TMPRSS13: variants seen among roughly 807,000 people sequenced by gnomAD.
TMPRSS13 encodes the protein transmembrane protease serine 13.
TMPRSS13 carries 50 observed loss-of-function variants against 68.4 expected under a neutral mutation model. The ratio of observed to expected loss-of-function variants is 0.73; its 90% CI spans 0.58 to 0.93. The LOEUF (loss-of-function observed/expected upper bound fraction) is 0.93, where lower values mean the gene tolerates loss of function less well. TMPRSS13 is among the 40% of genes least tolerant of loss of function. The pLI, the probability that TMPRSS13 is intolerant of heterozygous loss-of-function variation, is 0.00. For missense variants in TMPRSS13, 615 were observed against 729.2 expected (o/e 0.84, Z 1.80); for synonymous variants, 267 against 285.8 (o/e 0.93, Z 0.66).
chr11:117,909,559 C>T (rs924122883), intron 8 of TMPRSS13, among the ~76,000 whole-genome samples: 8 of 152,368 alleles, frequency 5.3e-5, no homozygotes, highest in African/African-American at 1.9e-4. Flanking sequence ...CCTCTTCCTG[C>T]CTGCCTCTCT....
rs1210242670 is a variant in TMPRSS13, at chr11:117,909,950, A to T, written c.965T>A (p.Met322Lys). 1.9e-6 allele frequency: 3 copies of T among 1,614,062 alleles called. No individual in the cohort carries two copies. The highest frequency in any genetic ancestry group is 3.3e-5 in the Admixed American group (2 of 60,010). The change falls in exon 8 of 13, where the codon ATG (methionine) becomes AAG (lysine). Residue 322 changes from methionine (M) to lysine (K), a missense_variant. Coordinates refer to ENST00000524993, the MANE Select transcript of TMPRSS13 (RefSeq NM_001077263.3). ...LQCSHCGLRA[M>K]TGRIVGGALA... Reference sequence around the variant, plus strand: ...CGCCCCTCCCACGATCCGCCCGGTCATGGCCCTCAGTCCGCAGTCTGGAGG... The same window carrying T: ...CGCCCCTCCCACGATCCGCCCGGTCTTGGCCCTCAGTCCGCAGTCTGGAGG...
rs2057737288 is a variant in TMPRSS13 at position 117,929,320 on chromosome 11, G to T, written c.-13C>A. 2 of 1,604,462 alleles carry T rather than the reference G, an allele frequency of 1.2e-6. No individual in the cohort carries two copies. Among genetic ancestry groups the T allele is most frequent in the East Asian group, 2.3e-5 (1 of 43,948 alleles). On this transcript the variant is annotated 5_prime_UTR_variant, in exon 1 of 13. Coordinates refer to ENST00000524993, the MANE Select transcript of TMPRSS13 (RefSeq NM_001077263.3). ...TGTCCCTCTCCATGGTCTCTGAGGG[G>T]AAGAGTCCTCCAGGCTTAGCTGATG...
Position 117,914,806 on chromosome 11 carries a change from G to A in TMPRSS13, c.557-292C>T, listed in dbSNP as rs2057559560. 1.3e-5 allele frequency among the ~76,000 whole-genome samples: 2 copies of A among 152,018 alleles called. No individual in the cohort carries two copies. The highest frequency in any genetic ancestry group is 4.2e-4 in the South Asian group (2 of 4,812). On this transcript the variant is annotated intron_variant, in intron 3 of 12. Transcript: ENST00000524993. This position sits in a 1 kb window ranked among gnomAD's most constrained non-coding sequence, Gnocchi z 4.2. ...GCTGTGGAGATGGGGACCACCTTGG[G>A]AACTCCCCTCCCTACATGCTGGCCA...
chr11:117,903,872 G>A, intron 11 of TMPRSS13, 65 bp from the exon 12 acceptor site: 1 of 1,596,270 alleles, frequency 6.3e-7, no homozygotes, highest in South Asian at 1.1e-5. Context: ...AAAGGGTGGG[G>A]TCCCAATTCC....
At chr11:117,918,156 G>C (rs1158775730) in intron 2 of TMPRSS13, among the ~76,000 whole-genome samples, 1 of 152,112 alleles carries the variant, frequency 6.6e-6, no homozygotes, top group Admixed American at 6.5e-5. Flanking sequence ...GCAGACTCCA[G>C]GGTGACAAGC....
chr11:117,919,267 C>T (rs967749594), intron 1 of TMPRSS13, among the ~76,000 whole-genome samples: 3 of 152,228 alleles, frequency 2.0e-5, no homozygotes, highest in Admixed American at 1.3e-4. Flanking sequence ...CTCCTACATC[C>T]GCATCCTTTT....
intron 1 of TMPRSS13, among the ~76,000 whole-genome samples, chr11:117,924,780 G>A (rs905210457): frequency 5.9e-5 from 9 of 151,750 alleles, no homozygotes; most frequent in African/African-American, 1.5e-4. Flanking sequence ...CCCCCTCCCC[G>A]AACCCAGAGA....
chr11:117,924,951 G>A (rs1414068553), intron 1 of TMPRSS13, among the ~76,000 whole-genome samples: 1 of 152,148 alleles, frequency 6.6e-6, no homozygotes. Context: ...TGCAGGGTCT[G>A]CCTCGCCCTG....
rs1001860666 is a variant in TMPRSS13, at chr11:117,922,637, G to A, written c.22-3799C>T. 3.9e-5 allele frequency among the ~76,000 whole-genome samples: 6 copies of A among 152,222 alleles called. No homozygotes were observed. Among genetic ancestry groups the A allele is most frequent in the Admixed American group, 2.6e-4 (4 of 15,282 alleles). Reference sequence around the variant, plus strand: ...GAGCCGAAGACTCAGAAGTGGAAGTGAAATGACCAACTCCTTGATGTGTCC... The same window carrying A: ...GAGCCGAAGACTCAGAAGTGGAAGTAAAATGACCAACTCCTTGATGTGTCC... On this transcript the variant is annotated intron_variant, in intron 1 of 12. Coordinates refer to ENST00000524993, the MANE Select transcript of TMPRSS13 (RefSeq NM_001077263.3). This position sits in a 1 kb window ranked among gnomAD's most constrained non-coding sequence, Gnocchi z 4.2.
At chr11:117,925,612 C>T (rs973180294) in intron 1 of TMPRSS13, among the ~76,000 whole-genome samples, 6 of 152,006 alleles carry the variant, frequency 3.9e-5, no homozygotes, top group African/African-American at 1.2e-4. Flanking sequence ...TTGCTTCCCT[C>T]CTAGGGAAAC....
At position 117,924,382 on chromosome 11, in the gene TMPRSS13, G is replaced by C. The variant is rs146698693; in HGVS notation, c.21+4905C>G. The stretch of plus-strand genomic sequence containing the variant: ...CTCTTCCCCTCTCTGTCCCTTACCA[G>C]CCTCCATGAGAAAGGACCCTTCCCA... On this transcript the variant is annotated intron_variant, in intron 1 of 12. Transcript: ENST00000524993. Among the ~76,000 whole-genome samples, 248 of 152,118 alleles carry C rather than the reference G, an allele frequency of 1.6e-3. 1 individual carries two copies. The highest frequency in any genetic ancestry group is 0.014 in the Middle Eastern group (4 of 294).
At chr11:117,908,843 C>A (rs1210395863) in intron 8 of TMPRSS13, 59 bp from the exon 9 acceptor site, 21 of 1,490,488 alleles carry the variant, frequency 1.4e-5, no homozygotes, top group Non-Finnish European at 1.8e-5. Context: ...CACTGGCAGC[C>A]CCTGCTACCT....
intron 1 of TMPRSS13, among the ~76,000 whole-genome samples, chr11:117,919,103 C>T (rs930370221): frequency 6.6e-6 from 1 of 152,128 alleles, no homozygotes; most frequent in African/African-American, 2.4e-5. Context: ...GCCAAGTGCC[C>T]GGGGGTTGGG....
rs1390234742 is a variant in TMPRSS13 at position 117,909,664 on chromosome 11, A to C, written c.1109+142T>G. The C allele has an allele frequency of 3.0e-6, 3 of 1,000,404 alleles. No individual in the cohort carries two copies. The African/African-American group carries it at 4.8e-5, about 16-fold the overall frequency. 62.0% of individuals were successfully genotyped at this position (1,000,404 alleles called of 1,614,324 possible). A position where few individuals can be genotyped will look rare whatever the true frequency, so the allele number is the denominator to read the frequency against. On this transcript the variant is annotated intron_variant, in intron 8 of 12. Coordinates refer to ENST00000524993, the MANE Select transcript of TMPRSS13 (RefSeq NM_001077263.3). ...ACTCTCAGGACCAGGTGAACACCCA[A>C]GCTACACCAGTGCCAACTGGCCCAT...
In TMPRSS13 at chr11:117,929,338, AG is replaced by A. The variant is rs1219289904; in HGVS notation, c.-32del. ...CTGAGGGGAAGAGTCCTCCAGGCTT[AG>A]CTGATGTCGAGGAGAAGATCCATCT... is the stretch of plus-strand genomic sequence containing the variant. On this transcript the variant is annotated 5_prime_UTR_variant, in exon 1 of 13. The change abolishes the stop of an existing upstream ORF in the 5' untranslated region. Coordinates refer to ENST00000524993, the MANE Select transcript of TMPRSS13 (RefSeq NM_001077263.3). 1 of 1,601,972 alleles carries A rather than the reference AG, an allele frequency of 6.2e-7. No individual in the cohort carries two copies. Among genetic ancestry groups the A allele is most frequent in the East Asian group, 2.3e-5 (1 of 43,872 alleles).
At position 117,918,592 on chromosome 11, in the gene TMPRSS13, A is replaced by C. The variant is rs758637926; in HGVS notation, c.268T>G (p.Ser90Ala). ...SPAQASPARA[S>A]PALASLSRSS... ...CTGGAAAGTGATGCCAGAGCCGGAG[A>C]TGCCCGGGCTGGAGATGCCTGGGCT... is the stretch of plus-strand genomic sequence containing the variant. The change falls in exon 2 of 13, where the codon TCT becomes GCT. Residue 90 changes from serine to alanine, a missense_variant. By Grantham distance (99) the Ser-to-Ala change is moderately conservative (BLOSUM62 1). Coordinates refer to ENST00000524993, the MANE Select transcript of TMPRSS13 (RefSeq NM_001077263.3). 30 of 1,612,422 alleles carry C rather than the reference A, an allele frequency of 1.9e-5. No homozygotes were observed. The highest frequency in any genetic ancestry group is 1.7e-5 in the Admixed American group (1 of 59,898).
At chr11:117,916,106 C>T (rs946054987) in intron 3 of TMPRSS13, among the ~76,000 whole-genome samples, 34 of 152,326 alleles carry the variant, frequency 2.2e-4, no homozygotes, top group African/African-American at 7.7e-4. Context: ...CGTTTCCACA[C>T]GCTGGTCCAC....
intron 1 of TMPRSS13, among the ~76,000 whole-genome samples, chr11:117,927,030 C>G (rs2057714018): frequency 6.6e-6 from 1 of 152,230 alleles, no homozygotes; most frequent in Non-Finnish European, 1.5e-5. Context: ...AAAGGTTTCT[C>G]TGTACATAAT....
rs1490911332 is a variant in TMPRSS13, at chr11:117,918,429, C to G, written c.431G>C (p.Arg144Thr). ...CTTACCTGGGCTCTCCCTGGTGGCC[C>G]TGGTTGCTGGTGCTGACCTGGCAGG... ...SSPARSAPAT[R>T]ATRESPGTSL... Residue 144 changes from arginine to threonine, a missense_variant, in exon 2 of 13, where the codon AGG (arginine) becomes ACG (threonine). Transcript: ENST00000524993. 1 of 1,613,632 alleles carries G rather than the reference C, an allele frequency of 6.2e-7. No individual in the cohort carries two copies. The highest frequency in any genetic ancestry group is 8.5e-7 in the Non-Finnish European group (1 of 1,179,538).
Sources: gnomAD v4.1 joint callset for allele counts (sites outside exome capture counted in the v4.1 genomes callset) on GRCh38, gnomAD v4.1.1 for gene constraint, Gnocchi (gnomAD v3.1) non-coding constraint, MANE v1.5 for transcripts, NCBI Gene and HGNC (gene_info 2026-07-23, HGNC 2026-07-21) for gene names.